The following CDH13 variants were observed in gnomAD, a reference collection of about 807,000 sequenced individuals.
The protein encoded by CDH13 is cadherin-13.
Under a neutral mutation model 63.8 loss-of-function variants are expected in CDH13, and 24 were observed. That is an observed-to-expected ratio of 0.38 (90% CI 0.27 to 0.53). The LOEUF is 0.53. Ranked by LOEUF, CDH13 falls within the 20% of genes least tolerant of loss-of-function variation. The pLI, the probability that CDH13 is intolerant of heterozygous loss-of-function variation, is 0.85. For synonymous variants in CDH13, 503 were observed against 355.3 expected (o/e 1.42, Z -4.67); for missense variants, 1,049 against 903.1 (o/e 1.16, Z -2.07).
At chr16:83,601,500 T>G (rs1344882531) in intron 7 of CDH13, among the ~76,000 whole-genome samples, 1 of 152,200 alleles carries the variant, frequency 6.6e-6, no homozygotes, top group Non-Finnish European at 1.5e-5. Flanking sequence ...CTTCCACATG[T>G]GACAGCCTGT....
chr16:83,271,916 T>C (rs1448191805), intron 5 of CDH13, among the ~76,000 whole-genome samples: 2 of 152,220 alleles, frequency 1.3e-5, no homozygotes, highest in African/African-American at 4.8e-5. Flanking sequence ...AAGTGATCCA[T>C]ATGAAGATCT....
At chr16:83,072,306 T>G (rs2032498390) in intron 3 of CDH13, among the ~76,000 whole-genome samples, 1 of 152,220 alleles carries the variant, frequency 6.6e-6, no homozygotes, top group Non-Finnish European at 1.5e-5. Context: ...AATCGTTTAG[T>G]TAATCTGTTG....
intron 3 of CDH13, among the ~76,000 whole-genome samples, chr16:83,087,769 C>T (rs1276714193): frequency 2.7e-5 from 4 of 149,026 alleles, no homozygotes; most frequent in African/African-American, 7.4e-5. Context: ...ATTTTTAAAC[C>T]TAATGATGTT....
chr16:82,881,920 T>G (rs2040716783), intron 2 of CDH13, among the ~76,000 whole-genome samples: 1 of 152,192 alleles, frequency 6.6e-6, no homozygotes, highest in Non-Finnish European at 1.5e-5. Flanking sequence ...TCTGTGGCAG[T>G]GCTTACTCTG....
chr16:83,288,547 C>G (rs1377271272), intron 5 of CDH13, among the ~76,000 whole-genome samples: 1 of 152,162 alleles, frequency 6.6e-6, no homozygotes, highest in African/African-American at 2.4e-5. Context: ...AGCCATCCCC[C>G]AAGCTGAAGG....
chr16:83,179,717 A>G (rs2038271912), intron 4 of CDH13, among the ~76,000 whole-genome samples: 1 of 151,950 alleles, frequency 6.6e-6, no homozygotes, highest in South Asian at 2.1e-4. Flanking sequence ...AAGTCACAGA[A>G]CCAGAGTTTG....
At chr16:82,689,139 T>C (rs1326044303) in intron 1 of CDH13, 1 of 151,448 alleles carries the variant, frequency 6.6e-6, no homozygotes, top group Non-Finnish European at 1.5e-5. Flanking sequence ...CTCAGGTTTA[T>C]TCTTCTAACT....
intron 5 of CDH13, among the ~76,000 whole-genome samples, chr16:83,336,497 T>C (rs762367914): frequency 1.3e-5 from 2 of 152,130 alleles, no homozygotes; most frequent in African/African-American, 2.4e-5. Context: ...GTGAGAGATA[T>C]CTTATCTGTC....
intron 6 of CDH13, among the ~76,000 whole-genome samples, chr16:83,480,486 T>G (rs1008733086): frequency 6.6e-6 from 1 of 152,192 alleles, no homozygotes; most frequent in African/African-American, 2.4e-5. Flanking sequence ...AGGAGAGAAC[T>G]GGCTCATGTC....
At chr16:83,148,879 G>A (rs1343499273) in intron 4 of CDH13, among the ~76,000 whole-genome samples, 1 of 151,902 alleles carries the variant, frequency 6.6e-6, no homozygotes. Context: ...CAAAAAAAAG[G>A]AATTCTATCC....
intron 10 of CDH13, among the ~76,000 whole-genome samples, chr16:83,744,799 G>C (rs977179115): frequency 6.6e-6 from 1 of 152,214 alleles, no homozygotes; most frequent in African/African-American, 2.4e-5. Flanking sequence ...TCACAGAGGA[G>C]GAAGTAGAAA....
intron 6 of CDH13, among the ~76,000 whole-genome samples, chr16:83,375,614 G>T (rs1884930256): frequency 1.3e-5 from 2 of 152,192 alleles, no homozygotes; most frequent in South Asian, 4.1e-4. Context: ...CTAGAAGAGA[G>T]ATGGGTAAAT....
At chr16:83,622,252 A>C (rs1004172492) in intron 8 of CDH13, among the ~76,000 whole-genome samples, 3 of 152,120 alleles carry the variant, frequency 2.0e-5, no homozygotes, top group Non-Finnish European at 2.9e-5. Context: ...CTGAGACTTC[A>C]GCGTGGTGGG....
intron 4 of CDH13, among the ~76,000 whole-genome samples, chr16:83,147,019 T>C (rs1478429492): frequency 2.6e-5 from 4 of 151,394 alleles, no homozygotes; most frequent in Non-Finnish European, 5.9e-5. Flanking sequence ...ACTCAAGAGG[T>C]GGAGGCTACA....
At position 83,103,534 on chromosome 16, in the gene CDH13, C is replaced by G. The variant is rs151295329; in HGVS notation, c.367-21851C>G. Reference sequence around the variant, plus strand: ...GTACTGAGATTACAGGCATGAGCCACCGTGCCCGGCTAATTAAACTTTTAA... The same window carrying G: ...GTACTGAGATTACAGGCATGAGCCAGCGTGCCCGGCTAATTAAACTTTTAA... On this transcript the variant is annotated intron_variant, in intron 3 of 13. Transcript: ENST00000567109. Among the ~76,000 whole-genome samples, 213 of 152,266 alleles carry G rather than the reference C, an allele frequency of 1.4e-3. 1 individual carries two copies. The highest frequency in any genetic ancestry group is 5.0e-3 in the African/African-American group (206 of 41,552).
intron 7 of CDH13, among the ~76,000 whole-genome samples, chr16:83,568,802 G>A (rs982657317): frequency 6.6e-6 from 1 of 152,028 alleles, no homozygotes; most frequent in Non-Finnish European, 1.5e-5. Context: ...AGCTCCTCGT[G>A]ATCATCTCCC....
intron 3 of CDH13, among the ~76,000 whole-genome samples, chr16:83,113,508 C>G (rs2035160288): frequency 6.6e-6 from 1 of 152,232 alleles, no homozygotes; most frequent in African/African-American, 2.4e-5. Flanking sequence ...GGCGTAGCAG[C>G]AGACCAGGAA....
chr16:82,840,335 C>A (rs1205182648), intron 1 of CDH13, among the ~76,000 whole-genome samples: 1 of 151,258 alleles, frequency 6.6e-6, no homozygotes, highest in East Asian at 2.0e-4. Flanking sequence ...AATGTCTCTG[C>A]CTTCAAACAA....
chr16:83,446,644 G>A (rs1411044926), intron 6 of CDH13, among the ~76,000 whole-genome samples: 1 of 152,112 alleles, frequency 6.6e-6, no homozygotes, highest in Non-Finnish European at 1.5e-5. Flanking sequence ...TCTCTTTCTG[G>A]TGGTAATCAA....
Sources: gnomAD v4.1 joint callset for allele counts (sites outside exome capture counted in the v4.1 genomes callset) on GRCh38, gnomAD v4.1.1 for gene constraint, MANE v1.5 for transcripts, NCBI Gene and HGNC (gene_info 2026-07-23, HGNC 2026-07-21) for gene names.